Variants in CD163L1 observed in about 807,000 individuals in gnomAD.
CD163L1 encodes scavenger receptor cysteine-rich type 1 protein M160.
A neutral mutation model predicts 165.4 loss-of-function variants in CD163L1; 124 were observed. That is an observed-to-expected ratio of 0.75 (90% CI 0.65 to 0.87). CD163L1 has a LOEUF of 0.87. CD163L1 is among the 40% of genes least tolerant of loss of function. The probability of loss-of-function intolerance (pLI) is 0.00; values close to 1 mark genes in which losing one functional copy is unlikely to be tolerated. For synonymous variants in CD163L1, 585 were observed against 662.2 expected (o/e 0.88, Z 1.79); for missense variants, 1,525 against 1,799.9 (o/e 0.85, Z 2.76).
rs185786717 is a variant in CD163L1 at position 7,348,669 on chromosome 12, G to A, written c.*25-1522C>T. ...GAATCTTAATAGTACTTACTTCACAGAGTTATTGGGCTTTCATGTGAAGTA... is the reference window on the plus strand; with the variant it reads ...GAATCTTAATAGTACTTACTTCACAAAGTTATTGGGCTTTCATGTGAAGTA... On this transcript the variant is annotated intron_variant, in intron 4 of 4. Transcript: ENST00000539726. 2.0e-5 allele frequency among the ~76,000 whole-genome samples: 3 copies of A among 152,236 alleles called. No homozygotes were observed. The East Asian group carries it at 5.8e-4, about 29-fold the overall frequency.
At position 7,369,342 on chromosome 12, in the gene CD163L1, C is replaced by A. The variant is rs562184599; in HGVS notation, c.4039+15G>T. 18 of 1,609,100 alleles carry A rather than the reference C, an allele frequency of 1.1e-5. No homozygotes were observed. The highest frequency in any genetic ancestry group is 1.5e-5 in the Non-Finnish European group (18 of 1,176,758). On this transcript the variant is annotated intron_variant, in intron 15 of 19. Transcript: ENST00000313599. This position sits in a 1 kb window ranked among gnomAD's most constrained non-coding sequence, Gnocchi z 4.9. The stretch of plus-strand genomic sequence containing the variant: ...AGTGGGAGGCTCAGTTTAAGTGCAG[C>A]CTTTTCACACTTACCAGAGCACCTC...
chr12:7,378,467 C>T (rs1430270236), intron 9 of CD163L1, among the ~76,000 whole-genome samples: 3 of 152,166 alleles, frequency 2.0e-5, no homozygotes, highest in African/African-American at 7.2e-5. Flanking sequence ...ACAATTCCTA[C>T]TCCATAAATA....
intron 18 of CD163L1, among the ~76,000 whole-genome samples, chr12:7,359,129 A>G (rs1478475211): frequency 1.3e-5 from 2 of 152,140 alleles, no homozygotes; most frequent in African/African-American, 4.8e-5. Flanking sequence ...ACAGACATAC[A>G]ATAGGAATGC....
chr12:7,332,407 C>T, the CD163L1 span, among the ~76,000 whole-genome samples: 1 of 152,108 alleles, frequency 6.6e-6, no homozygotes, highest in Non-Finnish European at 1.5e-5. Flanking sequence ...GGCAGGCCAA[C>T]ATTCAAATTC....
chr12:7,321,719 G>T, the CD163L1 span, among the ~76,000 whole-genome samples: 1 of 152,198 alleles, frequency 6.6e-6, no homozygotes, highest in Non-Finnish European at 1.5e-5. Flanking sequence ...TGTCCAGTAA[G>T]GCTAGTGGTT....
chr12:7,424,833 A>C (rs1057252434), intron 4 of CD163L1, among the ~76,000 whole-genome samples: 4 of 152,202 alleles, frequency 2.6e-5, no homozygotes, highest in Admixed American at 2.6e-4. Context: ...AAGAAATCAG[A>C]CAGGACACAA....
chr12:7,431,567 A>C (rs1948628441), intron 4 of CD163L1, among the ~76,000 whole-genome samples: 1 of 151,354 alleles, frequency 6.6e-6, no homozygotes, highest in Non-Finnish European at 1.5e-5. Flanking sequence ...ACGAGAACGC[A>C]TAGACACAGG....
rs369301486 is a variant in CD163L1 at position 7,398,081 on chromosome 12, T to C, written c.1729+183A>G. 1.3e-5 allele frequency among the ~76,000 whole-genome samples: 2 copies of C among 152,280 alleles called. No homozygotes were observed. Among genetic ancestry groups the C allele is most frequent in the East Asian group, 1.9e-4 (1 of 5,174 alleles). On this transcript the variant is annotated intron_variant, in intron 7 of 19. Transcript: ENST00000313599. The surrounding 1 kb of genome is among the most constrained non-coding windows in gnomAD (Gnocchi z 4.5). ...ATCATAGTCAGGGTTGTCTACTAAT[T>C]TCTTACTTTACCTGTATAAGTGGAA...
chr12:7,335,178 C>T, the CD163L1 span, among the ~76,000 whole-genome samples: 1 of 152,106 alleles, frequency 6.6e-6, no homozygotes, highest in Non-Finnish European at 1.5e-5. Flanking sequence ...GAGCCTGCAT[C>T]ACCAAGTCAA....
chr12:7,441,969 TAGGC>T (rs889104545), intron 1 of CD163L1, among the ~76,000 whole-genome samples: 4 of 152,064 alleles, frequency 2.6e-5, no homozygotes, highest in African/African-American at 4.8e-5. Flanking sequence ...TGAACTAAGA[TAGGC>T]AGGAGCAATA....
chr12:7,433,262 C>A, intron 3 of CD163L1, 112 bp downstream of exon 3: 2 of 879,140 alleles, frequency 2.3e-6, no homozygotes, highest in Non-Finnish European at 1.7e-6. Flanking sequence ...AAAATATTTC[C>A]TACACCTCCC....
intron 13 of CD163L1, 96 bp from the exon 14 acceptor site, chr12:7,373,736 AG>A (rs533464706): frequency 1.3e-4 from 133 of 992,416 alleles, no homozygotes; most frequent in Admixed American, 2.2e-4. Flanking sequence ...ATAATACATT[AG>A]GGCTCACAAT....
In CD163L1 at chr12:7,441,398, A is replaced by G. The variant is rs186883098; in HGVS notation, c.32-152T>C. ...TACCGCACAAGAAAGTCCTTTTCCCAGGAAAAGCCACAGGACTAGCTCCTG... is the reference window on the plus strand; with the variant it reads ...TACCGCACAAGAAAGTCCTTTTCCCGGGAAAAGCCACAGGACTAGCTCCTG... On this transcript the variant is annotated intron_variant, in intron 1 of 19. Transcript: ENST00000313599. 8.2e-4 allele frequency: 489 copies of G among 594,966 alleles called. 1 individual carries two copies. Among genetic ancestry groups the G allele is most frequent in the African/African-American group, 8.1e-3 (436 of 53,528 alleles). 36.9% of individuals were successfully genotyped at this position (594,966 alleles called of 1,614,324 possible).
At chr12:7,439,880 C>A in intron 2 of CD163L1, 2 of 1,607,930 alleles carry the variant, frequency 1.2e-6, no homozygotes, top group African/African-American at 2.7e-5. Flanking sequence ...GCGTCATTAT[C>A]CCCGCCCACT....
At chr12:7,321,256 C>T in the CD163L1 span, among the ~76,000 whole-genome samples, 1 of 152,188 alleles carries the variant, frequency 6.6e-6, no homozygotes. Context: ...AAGAAAAGCA[C>T]ATTTATACTG....
chr12:7,424,323 G>C (rs1324221833), intron 4 of CD163L1, among the ~76,000 whole-genome samples: 7 of 150,878 alleles, frequency 4.6e-5, no homozygotes, highest in Admixed American at 4.6e-4. Context: ...ACTAGGTATT[G>C]ATGGAAGACA....
chr12:7,426,617 A>ACCAAATACCACCTGTTCCC (rs1258182171), intron 4 of CD163L1, among the ~76,000 whole-genome samples: 1 of 152,134 alleles, frequency 6.6e-6, no homozygotes, highest in African/African-American at 2.4e-5. Context: ...TATTCATGTA[A>ACCAAATACCACCTGTTCCC]CCAAATACCA....
chr12:7,323,562 T>C, the CD163L1 span: 1 of 1,610,440 alleles, frequency 6.2e-7, no homozygotes, highest in Non-Finnish European at 8.5e-7. Context: ...AAATATGTGG[T>C]ATGAGGATAG....
chr12:7,414,456 T>C (rs1356526064), intron 4 of CD163L1, among the ~76,000 whole-genome samples: 2 of 152,098 alleles, frequency 1.3e-5, no homozygotes, highest in Admixed American at 1.3e-4. Flanking sequence ...GAAGTCAGCC[T>C]ACAAGACCTA....
Sources: gnomAD v4.1 joint callset for allele counts (sites outside exome capture counted in the v4.1 genomes callset) on GRCh38, gnomAD v4.1.1 for gene constraint, Gnocchi (gnomAD v3.1) non-coding constraint, MANE v1.5 for transcripts, NCBI Gene and HGNC (gene_info 2026-07-23, HGNC 2026-07-21) for gene names.